CUX2: variants seen among roughly 807,000 people sequenced by gnomAD.
The protein encoded by CUX2 is homeobox protein cut-like 2.
CUX2 carries 40 observed loss-of-function variants against 144.8 expected under a neutral mutation model. That is an observed-to-expected ratio of 0.28 (90% CI 0.21 to 0.36). CUX2 has a LOEUF of 0.36. CUX2 is among the 10% of genes least tolerant of loss of function. The pLI is 1.00. For missense variants in CUX2, 1,615 were observed against 1,994.0 expected, an observed-to-expected ratio of 0.81 and a Z score of 3.62; for synonymous variants, 827 against 875.6, an observed-to-expected ratio of 0.94 and a Z score of 0.98.
At position 111,348,358 on chromosome 12, in the gene CUX2, G is replaced by A. The variant is rs577527949; in HGVS notation, c.*33G>A. 1.3e-6 allele frequency: 2 copies of A among 1,566,612 alleles called. No individual in the cohort carries two copies. Among genetic ancestry groups the A allele is most frequent in the Admixed American group, 3.4e-5 (2 of 58,494 alleles). On this transcript the variant is annotated 3_prime_UTR_variant, in exon 22 of 22. Coordinates refer to ENST00000261726, the MANE Select transcript of CUX2 (RefSeq NM_015267.4). ...GTGAGGGGGCAAGGGACATACCCTG[G>A]TAACTACCTTCCTTCTCGCACTTAC...
chr12:111,097,162 G>C (rs1359578075), intron 1 of CUX2, among the ~76,000 whole-genome samples: 4 of 152,200 alleles, frequency 2.6e-5, no homozygotes, highest in African/African-American at 9.7e-5. Context: ...TCATGCCTCT[G>C]ATGGGAGCTC....
Position 111,111,216 on chromosome 12 carries a change from C to T in CUX2, c.63+76976C>T, listed in dbSNP as rs540778756. Among the ~76,000 whole-genome samples the T allele has an allele frequency of 3.3e-5, 5 of 152,206 alleles. No homozygotes were observed. In the East Asian group the frequency reaches 5.8e-4, roughly 18 times the overall value. On this transcript the variant is annotated intron_variant, in intron 1 of 21. Transcript: ENST00000261726. Reference sequence around the variant, plus strand: ...GCTCAGGAGGCTGAGGCAGGAGAATCGCTTGAACCCAGGAGGCGGAGGTTG... The same window carrying T: ...GCTCAGGAGGCTGAGGCAGGAGAATTGCTTGAACCCAGGAGGCGGAGGTTG...
chr12:111,145,259 A>G (rs551265213), intron 1 of CUX2, among the ~76,000 whole-genome samples: 1 of 152,242 alleles, frequency 6.6e-6, no homozygotes, highest in South Asian at 2.1e-4. Context: ...CCCTCTATCC[A>G]TGTGGGGTGA....
Position 111,312,249 on chromosome 12 carries a change from G to T in CUX2, c.2002+48G>T. The T allele has an allele frequency of 1.3e-6, 2 of 1,497,464 alleles. No homozygotes were observed. Among genetic ancestry groups the T allele is most frequent in the Non-Finnish European group, 1.8e-6 (2 of 1,097,050 alleles). 92.8% of individuals were successfully genotyped at this position (1,497,464 alleles called of 1,614,324 possible). ...AAGCCTGAGGCCCCCGGGGCCAGCT[G>T]CGAACAGGAGATGAGGCTTCGTCTA... On this transcript the variant is annotated intron_variant, in intron 16 of 21. Transcript: ENST00000261726. This position sits in a 1 kb window ranked among gnomAD's most constrained non-coding sequence, Gnocchi z 4.3.
chr12:111,080,976 C>T (rs2136042483), intron 1 of CUX2, among the ~76,000 whole-genome samples: 1 of 152,272 alleles, frequency 6.6e-6, no homozygotes, highest in South Asian at 2.1e-4. Context: ...ATTGTGAAGT[C>T]AGTGCTGTAA....
chr12:111,228,315 G>A (rs1250773224), intron 3 of CUX2, among the ~76,000 whole-genome samples: 1 of 152,102 alleles, frequency 6.6e-6, no homozygotes, highest in African/African-American at 2.4e-5. Flanking sequence ...CAGGGGATTG[G>A]TTCCAGGACC....
intron 3 of CUX2, among the ~76,000 whole-genome samples, chr12:111,253,967 C>T (rs1056170646): frequency 1.3e-5 from 2 of 152,002 alleles, no homozygotes; most frequent in African/African-American, 2.4e-5. Flanking sequence ...TGACCTCAGG[C>T]GATCCACCAG....
At chr12:111,290,732 T>C (rs1885628663) in intron 4 of CUX2, among the ~76,000 whole-genome samples, 1 of 152,088 alleles carries the variant, frequency 6.6e-6, no homozygotes, top group African/African-American at 2.4e-5. Context: ...CAGACTATTT[T>C]TTAAATCTTT....
At chr12:111,083,969 C>G (rs1406881736) in intron 1 of CUX2, among the ~76,000 whole-genome samples, 1 of 152,104 alleles carries the variant, frequency 6.6e-6, no homozygotes, top group African/African-American at 2.4e-5. Flanking sequence ...GCCATCTCCT[C>G]GAGTACCAGG....
chr12:111,071,076 T>C (rs1387989356), intron 1 of CUX2, among the ~76,000 whole-genome samples: 1 of 151,292 alleles, frequency 6.6e-6, no homozygotes, highest in Non-Finnish European at 1.5e-5. Context: ...TAAACATCTT[T>C]CTCTAGGTTT....
At chr12:111,260,609 A>G (rs757659666) in intron 3 of CUX2, among the ~76,000 whole-genome samples, 26 of 152,194 alleles carry the variant, frequency 1.7e-4, no homozygotes, top group Non-Finnish European at 3.1e-4. Flanking sequence ...TGGCTGCCTT[A>G]TTGAACAGCT....
At chr12:111,047,946 C>G (rs538597692) in intron 1 of CUX2, among the ~76,000 whole-genome samples, 1 of 152,266 alleles carries the variant, frequency 6.6e-6, no homozygotes, top group South Asian at 2.1e-4. Flanking sequence ...AGGCACAGTT[C>G]AGGCAGGGGA....
chr12:111,199,347 C>T (rs117856790), intron 1 of CUX2, among the ~76,000 whole-genome samples: 2,064 of 152,292 alleles, frequency 0.014, 18 homozygotes, highest in Admixed American at 0.025. Flanking sequence ...TTCAGTACTA[C>T]TCTGGGCAGC....
At chr12:111,272,550 C>T (rs1245248678) in intron 4 of CUX2, among the ~76,000 whole-genome samples, 3 of 152,132 alleles carry the variant, frequency 2.0e-5, no homozygotes, top group African/African-American at 4.8e-5. Flanking sequence ...CTGCAACCTC[C>T]GCCTCTAGGG....
intron 3 of CUX2, among the ~76,000 whole-genome samples, chr12:111,242,579 C>G (rs745824793): frequency 6.6e-6 from 1 of 152,042 alleles, no homozygotes; most frequent in Non-Finnish European, 1.5e-5. Context: ...TTTGGGAGAC[C>G]GAGGTGGGCA....
At chr12:111,120,550 A>T (rs1874585429) in intron 1 of CUX2, among the ~76,000 whole-genome samples, 1 of 152,026 alleles carries the variant, frequency 6.6e-6, no homozygotes, top group Admixed American at 6.6e-5. Context: ...GAAGCCTGGT[A>T]GAATCTCACA....
intron 4 of CUX2, among the ~76,000 whole-genome samples, chr12:111,280,377 G>T (rs1199596571): frequency 2.6e-5 from 4 of 152,156 alleles, no homozygotes; most frequent in African/African-American, 9.7e-5. Context: ...GCAAGCCAAG[G>T]AAAGCCAGAT....
At chr12:111,199,238 C>T (rs964434528) in intron 1 of CUX2, among the ~76,000 whole-genome samples, 15 of 152,174 alleles carry the variant, frequency 9.9e-5, no homozygotes, top group Admixed American at 7.8e-4. Flanking sequence ...CACTGAAGCT[C>T]GGAGAGGCAC....
intron 4 of CUX2, among the ~76,000 whole-genome samples, chr12:111,290,326 A>G (rs188969530): frequency 1.3e-5 from 2 of 152,210 alleles, no homozygotes; most frequent in East Asian, 3.9e-4. Flanking sequence ...CAGTGATGCA[A>G]TCTCCACTCT....
Sources: allele counts gnomAD v4.1 joint callset (sites outside exome capture counted in the v4.1 genomes callset), GRCh38; gene constraint gnomAD v4.1.1; non-coding constraint Gnocchi (gnomAD v3.1); transcripts MANE v1.5; gene names NCBI Gene and HGNC (gene_info 2026-07-23, HGNC 2026-07-21).